TECPR2: variants seen among roughly 807,000 people sequenced by gnomAD.
TECPR2 encodes tectonin beta-propeller repeat-containing protein 2.
A neutral mutation model predicts 138.1 loss-of-function variants in TECPR2; 65 were observed. The ratio of observed to expected loss-of-function variants is 0.47; its 90% CI spans 0.39 to 0.58. The LOEUF (loss-of-function observed/expected upper bound fraction) is 0.58. TECPR2 is among the 20% of genes least tolerant of loss of function. The pLI is 0.00. For synonymous variants in TECPR2, 746 were observed against 749.8 expected, an observed-to-expected ratio of 0.99 and a Z score of 0.08; for missense variants, 1,553 against 1,824.5, an observed-to-expected ratio of 0.85 and a Z score of 2.71.
intron 2 of TECPR2, among the ~76,000 whole-genome samples, chr14:102,379,095 CT>C (rs35038785): frequency 0.65 from 98,666 of 152,030 alleles, 32,807 homozygotes; most frequent in Middle Eastern, 0.76. Context: ...GCTTCAGACA[CT>C]TTATAAGGAA....
intron 16 of TECPR2, among the ~76,000 whole-genome samples, chr14:102,463,905 C>G (rs756310471): frequency 2.6e-5 from 4 of 152,204 alleles, no homozygotes; most frequent in Non-Finnish European, 4.4e-5. Flanking sequence ...GCCTGGATGA[C>G]AGAGCAAGAC....
In TECPR2 at chr14:102,440,438, G is replaced by T. The variant is rs763940157; in HGVS notation, c.2581G>T (p.Ala861Ser). 3.7e-6 allele frequency: 6 copies of T among 1,614,064 alleles called. No individual in the cohort carries two copies. Among genetic ancestry groups the T allele is most frequent in the South Asian group, 1.1e-5 (1 of 91,066 alleles). Residue 861 changes from alanine to serine, a missense_variant and splice_region_variant, in exon 11 of 20, where the codon GCC becomes TCC. Coordinates refer to ENST00000359520, the MANE Select transcript of TECPR2 (RefSeq NM_014844.5). Reference protein sequence around the residue: ...VQQVAVSPSGALLWKIEQKSN... With the variant: ...VQQVAVSPSGSLLWKIEQKSN... ...GAATAGAATTTTTATTTCCATAGGA[G>T]CCCTTCTCTGGAAGATTGAACAGAA...
chr14:102,406,418 C>T (rs886639696), intron 2 of TECPR2, among the ~76,000 whole-genome samples: 4 of 152,058 alleles, frequency 2.6e-5, no homozygotes, highest in Non-Finnish European at 5.9e-5. Context: ...TGGTGGCGGG[C>T]GCCTGTGGTC....
At chr14:102,491,443 G>C (rs1481763227) in intron 17 of TECPR2, among the ~76,000 whole-genome samples, 1 of 152,172 alleles carries the variant, frequency 6.6e-6, no homozygotes, top group East Asian at 1.9e-4. Context: ...CAAACTCCTT[G>C]GCTCAAGCAG....
At position 102,499,169 on chromosome 14, in the gene TECPR2, A is replaced by G. The variant is rs190911716; in HGVS notation, c.*912A>G. 5 of 702,950 alleles carry G rather than the reference A, an allele frequency of 7.1e-6. No individual in the cohort carries two copies. Among genetic ancestry groups the G allele is most frequent in the South Asian group, 1.5e-5 (1 of 67,610 alleles). The allele number at this position is 702,950 out of a possible 1,614,324, so 43.5% of individuals were successfully genotyped here. A position where few individuals can be genotyped will look rare whatever the true frequency, so the allele number is the denominator to read the frequency against. ...GGATGTGTGCACGTGTGTCCCAGGT[A>G]GGGACGGCACAGGAGGGTGCATGGG... is the stretch of plus-strand genomic sequence containing the variant. On this transcript the variant is annotated 3_prime_UTR_variant, in exon 20 of 20. Transcript: ENST00000359520.
Position 102,411,729 on chromosome 14 carries a change from A to G in TECPR2, c.481-2907A>G, listed in dbSNP as rs79101204. Among the ~76,000 whole-genome samples, 7 of 132,484 alleles carry G rather than the reference A, an allele frequency of 5.3e-5. 1 individual carries two copies. In the East Asian group the frequency reaches 9.9e-4, roughly 19 times the overall value. The allele number at this position is 132,484 out of a possible 152,430, so 86.9% of individuals were successfully genotyped here. A position where few individuals can be genotyped will look rare whatever the true frequency, so the allele number is the denominator to read the frequency against. Reference sequence around the variant, plus strand: ...AAAAAAAAAAAAAAAAAAAAAAAAAAAAGAAGATGGCTGGATTCTGCATTC... The same window carrying G: ...AAAAAAAAAAAAAAAAAAAAAAAAAGAAGAAGATGGCTGGATTCTGCATTC... On this transcript the variant is annotated intron_variant, in intron 4 of 19. Coordinates refer to ENST00000359520, the MANE Select transcript of TECPR2 (RefSeq NM_014844.5).
Position 102,419,371 on chromosome 14 carries a change from A to C in TECPR2, c.638+4578A>C, listed in dbSNP as rs911787600. On this transcript the variant is annotated intron_variant, in intron 5 of 19. Transcript: ENST00000359520. This position sits in a 1 kb window ranked among gnomAD's most constrained non-coding sequence, Gnocchi z 4.8. ...GTGTTTTTGTAGAAGAGAACAAAGAAAGACAAATAGGTGGTGCCCAGGGGG... is the reference window on the plus strand; with the variant it reads ...GTGTTTTTGTAGAAGAGAACAAAGACAGACAAATAGGTGGTGCCCAGGGGG... Among the ~76,000 whole-genome samples the C allele has an allele frequency of 2.0e-5, 3 of 152,126 alleles. No individual in the cohort carries two copies. The highest frequency in any genetic ancestry group is 2.9e-5 in the Non-Finnish European group (2 of 68,000).
chr14:102,413,853 C>T (rs1888951158), intron 4 of TECPR2, among the ~76,000 whole-genome samples: 1 of 151,934 alleles, frequency 6.6e-6, no homozygotes, highest in Admixed American at 6.6e-5. Context: ...GGCTAGAGTG[C>T]AGTGGTGTGA....
chr14:102,381,944 T>C (rs1055549835), intron 2 of TECPR2, among the ~76,000 whole-genome samples: 1 of 152,218 alleles, frequency 6.6e-6, no homozygotes, highest in Non-Finnish European at 1.5e-5. Context: ...AGGTATCCTA[T>C]ACATTTGTAC....
intron 18 of TECPR2, 103 bp from the exon 19 acceptor site, chr14:102,497,467 A>G (rs2139803499): frequency 7.3e-7 from 1 of 1,374,002 alleles, no homozygotes; most frequent in Non-Finnish European, 9.5e-7. Flanking sequence ...CCGTCCCCGC[A>G]GGGACCCTGG....
intron 9 of TECPR2, chr14:102,437,024 C>G: frequency 1.0e-6 from 1 of 985,462 alleles, no homozygotes; most frequent in South Asian, 4.7e-5. Context: ...CCTCATCCCA[C>G]TCCAGGTAGC....
Position 102,434,769 on chromosome 14 carries a change from C to G in TECPR2, c.1952C>G (p.Pro651Arg). 6.2e-7 allele frequency: 1 copy of G among 1,613,432 alleles called. No individual in the cohort carries two copies. The highest frequency in any genetic ancestry group is 8.5e-7 in the Non-Finnish European group (1 of 1,180,032). The change falls in exon 9 of 20, where the codon CCT (proline) becomes CGT (arginine). Residue 651 changes from proline to arginine, a missense_variant. Coordinates refer to ENST00000359520, the MANE Select transcript of TECPR2 (RefSeq NM_014844.5). ...CCCCTCCTGAACTCACTCACTGTGC[C>G]TTCCAGCCTCAGCTGGGCCCCAAGT... is the stretch of plus-strand genomic sequence containing the variant. The part of the protein sequence containing the change: ...EVPLLNSLTV[P>R]SSLSWAPSAE...
At chr14:102,378,418 C>A (rs1162293054) in intron 2 of TECPR2, among the ~76,000 whole-genome samples, 1 of 151,658 alleles carries the variant, frequency 6.6e-6, no homozygotes, top group Non-Finnish European at 1.5e-5. Context: ...ATTATTTTTT[C>A]CTTCTCACTA....
intron 2 of TECPR2, among the ~76,000 whole-genome samples, chr14:102,379,732 T>C (rs12147831): frequency 0.015 from 736 of 48,448 alleles, no homozygotes; most frequent in Middle Eastern, 0.037. Context: ...CAGAGGCATC[T>C]TAGTCACACT....
intron 11 of TECPR2, among the ~76,000 whole-genome samples, chr14:102,441,725 G>A (rs553732192): frequency 6.6e-6 from 1 of 152,182 alleles, no homozygotes; most frequent in South Asian, 2.1e-4. Flanking sequence ...AGTTCAGCAA[G>A]TCACAGGAAG....
chr14:102,387,584 C>T (rs905608462), intron 2 of TECPR2, among the ~76,000 whole-genome samples: 10 of 150,410 alleles, frequency 6.6e-5, no homozygotes, highest in Middle Eastern at 3.2e-3. Flanking sequence ...TGGAGTGCAG[C>T]GGCGCCATCT....
At chr14:102,456,590 CTTTTT>C (rs532308547) in intron 16 of TECPR2, among the ~76,000 whole-genome samples, 7 of 138,162 alleles carry the variant, frequency 5.1e-5, no homozygotes, top group African/African-American at 8.0e-5. Flanking sequence ...CCCTCTCGCT[CTTTTT>C]TTTTTTTTTT....
chr14:102,465,238 C>T lies in TECPR2; in HGVS notation c.3738C>T (p.Leu1246=). 3.1e-6 allele frequency: 5 copies of T among 1,614,102 alleles called. No homozygotes were observed. The highest frequency in any genetic ancestry group is 1.1e-5 in the South Asian group (1 of 91,072). ...ACTTCCGTGTAGGGACTCAGCCTCT[C>T]AATCCCAGTCTCATGCTTCCAGCCT... ...GVYFRVGTQP[L]NPSLMLPAWI... Residue 1246 remains leucine, a synonymous_variant, in exon 17 of 20, where the codon CTC becomes CTT. Transcript: ENST00000359520.
At chr14:102,412,053 T>C (rs1888886742) in intron 4 of TECPR2, among the ~76,000 whole-genome samples, 1 of 152,166 alleles carries the variant, frequency 6.6e-6, no homozygotes, top group Admixed American at 6.6e-5. Context: ...TGTTGGATTT[T>C]GTAACATTAT....
Sources: gnomAD v4.1 joint callset for allele counts (sites outside exome capture counted in the v4.1 genomes callset) on GRCh38, gnomAD v4.1.1 for gene constraint, Gnocchi (gnomAD v3.1) non-coding constraint, MANE v1.5 for transcripts, NCBI Gene and HGNC (gene_info 2026-07-23, HGNC 2026-07-21) for gene names.